DHX9: variants seen among roughly 807,000 people sequenced by gnomAD.
DHX9 encodes the protein ATP-dependent RNA helicase A.
Under a neutral mutation model 148.7 loss-of-function variants are expected in DHX9, and 27 were observed. The observed-to-expected ratio is 0.18, with a 90% CI of 0.13 to 0.25. The LOEUF is 0.25. DHX9 is among the 10% of genes least tolerant of loss of function. The pLI is 1.00. For synonymous variants in DHX9, 529 were observed against 516.6 expected, an observed-to-expected ratio of 1.02 and a Z score of -0.33; for missense variants, 796 against 1,559.6, an observed-to-expected ratio of 0.51 and a Z score of 8.25.
At chr1:182,850,631 G>A (rs1668125111) in intron 3 of DHX9, among the ~76,000 whole-genome samples, 1 of 151,746 alleles carries the variant, frequency 6.6e-6, no homozygotes, top group Non-Finnish European at 1.5e-5. Context: ...GGAACAGATT[G>A]TGAGAATAGA....
chr1:182,843,485 A>T (rs762791873), intron 3 of DHX9, 51 bp downstream of exon 3: 1 of 1,456,240 alleles, frequency 6.9e-7, no homozygotes, highest in Admixed American at 2.5e-5. Flanking sequence ...AGTTGTACAA[A>T]CTCAATATGC....
chr1:182,860,297 ATTAAAT>A, intron 12 of DHX9, 113 bp downstream of exon 12: 2 of 925,026 alleles, frequency 2.2e-6, no homozygotes, highest in Non-Finnish European at 3.1e-6. Context: ...TGCCCTTGAA[ATTAAAT>A]TTAAAAAAAG....
chr1:182,844,204 C>G (rs1011086825), intron 3 of DHX9, among the ~76,000 whole-genome samples: 2 of 152,138 alleles, frequency 1.3e-5, no homozygotes, highest in East Asian at 1.9e-4. Context: ...CACCCACTTC[C>G]GTCTTCCAAA....
chr1:182,851,946 G>T lies in DHX9; in HGVS notation c.253-287G>T, dbSNP rs561795222. Among the ~76,000 whole-genome samples, 8 of 152,316 alleles carry T rather than the reference G, an allele frequency of 5.3e-5. 1 individual carries two copies. In the East Asian group the frequency reaches 1.5e-3, roughly 29 times the overall value. The stretch of plus-strand genomic sequence containing the variant: ...ACTACTAAAAATGAGCCCCAGAGCA[G>T]TGTTACTCAAAATGTTACAGTTTGT... On this transcript the variant is annotated intron_variant, in intron 3 of 27. Transcript: ENST00000367549.
intron 15 of DHX9, among the ~76,000 whole-genome samples, chr1:182,872,861 G>A (rs1412054998): frequency 6.6e-6 from 1 of 152,218 alleles, no homozygotes; most frequent in Non-Finnish European, 1.5e-5. Context: ...ATCAAATTAA[G>A]AATCCTTTTT....
chr1:182,853,336 A>C lies in DHX9; in HGVS notation c.395A>C (p.Tyr132Ser), dbSNP rs776106860. The change falls in exon 5 of 28, where the codon TAT becomes TCT. Residue 132 changes from tyrosine (Y) to serine (S), a missense_variant. Tyr to Ser is a moderately radical substitution (Grantham distance 144). Around this residue, in one of 14 missense-constraint regions of DHX9, gnomAD observed 89 missense variants for 77.5 expected, o/e 1.15. Transcript: ENST00000367549. The part of the protein sequence containing the change: ...ENNSEVGASG[Y>S]GVPGPTWDRG... ...AATTCTGAGGTAGGGGCCTCTGGCTATGGTGTTCCTGGGCCCACCTGGGAC... is the reference window on the plus strand; with the variant it reads ...AATTCTGAGGTAGGGGCCTCTGGCTCTGGTGTTCCTGGGCCCACCTGGGAC... The C allele has an allele frequency of 6.2e-7, 1 of 1,613,858 alleles. No individual in the cohort carries two copies. The highest frequency in any genetic ancestry group is 1.1e-5 in the South Asian group (1 of 91,056).
At chr1:182,858,350 A>G in intron 8 of DHX9, 110 bp downstream of exon 8, 1 of 1,307,124 alleles carries the variant, frequency 7.7e-7, no homozygotes. Flanking sequence ...TCAGGAAATG[A>G]AAATGGCCCT....
chr1:182,879,475 A>G lies in DHX9; in HGVS notation c.2512+65A>G, dbSNP rs532424015. The G allele has an allele frequency of 2.3e-6, 3 of 1,330,222 alleles. No homozygotes were observed. The African/African-American group carries it at 4.4e-5, about 19-fold the overall frequency. The allele number at this position is 1,330,222 out of a possible 1,614,324, so 82.4% of individuals were successfully genotyped here. A position where few individuals can be genotyped will look rare whatever the true frequency, so the allele number is the denominator to read the frequency against. On this transcript the variant is annotated intron_variant, in intron 21 of 27. Coordinates refer to ENST00000367549, the MANE Select transcript of DHX9 (RefSeq NM_001357.5). ...CATACCATCTGTCTTGTTCTGGCAG[A>G]TAACACTTACAAATGAATCAAGATG...
chr1:182,842,053 A>T (rs1483297556), intron 1 of DHX9, among the ~76,000 whole-genome samples: 1 of 152,206 alleles, frequency 6.6e-6, no homozygotes, highest in African/African-American at 2.4e-5. Context: ...TAACTTTCTT[A>T]ATATATAGTA....
At chr1:182,882,132 G>A (rs1571322523) in intron 24 of DHX9, among the ~76,000 whole-genome samples, 1 of 152,248 alleles carries the variant, frequency 6.6e-6, no homozygotes, top group African/African-American at 2.4e-5. Flanking sequence ...GGCTGTAATT[G>A]GAATAACTAA....
At position 182,881,504 on chromosome 1, in the gene DHX9, T is replaced by C; in HGVS notation, c.2787-16T>C. 1.2e-6 allele frequency: 2 copies of C among 1,608,206 alleles called. No individual in the cohort carries two copies. Among genetic ancestry groups the C allele is most frequent in the Non-Finnish European group, 1.7e-6 (2 of 1,178,238 alleles). On this transcript the variant is annotated splice_polypyrimidine_tract_variant and intron_variant, in intron 23 of 27. Transcript: ENST00000367549. ...TCTGGTCTTAGAGAATGATTTCTCA[T>C]GCCAATTTATTTTAGAATGGGTGGA...
chr1:182,851,995 T>C (rs1329042792), intron 3 of DHX9, among the ~76,000 whole-genome samples: 2 of 152,062 alleles, frequency 1.3e-5, no homozygotes, highest in African/African-American at 4.8e-5. Context: ...CAGAAATGAG[T>C]AAACATTTAG....
intron 3 of DHX9, among the ~76,000 whole-genome samples, chr1:182,844,489 G>A (rs552834574): frequency 1.5e-4 from 23 of 152,292 alleles, no homozygotes; most frequent in African/African-American, 5.1e-4. Context: ...GACTGTGGGT[G>A]TGTGCCGCTA....
Position 182,872,470 on chromosome 1 carries a change from A to G in DHX9, c.1691A>G (p.Tyr564Cys). 6.2e-7 allele frequency: 1 copy of G among 1,613,996 alleles called. No homozygotes were observed. Among genetic ancestry groups the G allele is most frequent in the Non-Finnish European group, 8.5e-7 (1 of 1,179,958 alleles). The change falls in exon 15 of 28, where the codon TAT (tyrosine) becomes TGT (cysteine). Residue 564 changes from tyrosine to cysteine, a missense_variant. Tyr to Cys is a radical substitution (Grantham distance 194). This residue lies in a region of DHX9 where 133 missense variants were observed against 223.8 expected (regional missense o/e 0.59). Transcript: ENST00000367549. ...TTCAATTGCCCCATCATTGAAGTTT[A>G]TGGGAGGACTTACCCAGTTCAAGGT... ...YFFNCPIIEV[Y>C]GRTYPVQEYF...
chr1:182,855,701 G>T, intron 6 of DHX9: 2 of 985,374 alleles, frequency 2.0e-6, no homozygotes, highest in Non-Finnish European at 2.4e-6. Flanking sequence ...CCCTGAAGCC[G>T]CTGTGCCTGA....
At chr1:182,844,388 GT>G (rs1428187828) in intron 3 of DHX9, among the ~76,000 whole-genome samples, 1 of 152,126 alleles carries the variant, frequency 6.6e-6, no homozygotes, top group African/African-American at 2.4e-5. Context: ...GGGGATTTTT[GT>G]TTTGTTTTTC....
intron 1 of DHX9, among the ~76,000 whole-genome samples, chr1:182,841,962 A>T (rs1667940077): frequency 6.6e-6 from 1 of 152,244 alleles, no homozygotes; most frequent in Admixed American, 6.5e-5. Context: ...TATTATTAAT[A>T]CATGGCCTAC....
intron 19 of DHX9, 29 bp from the exon 20 acceptor site, chr1:182,877,992 C>T (rs1156846078): frequency 6.8e-6 from 11 of 1,613,056 alleles, no homozygotes; most frequent in African/African-American, 2.7e-5. Context: ...ACACATGAGT[C>T]TTAGAATTAA....
At chr1:182,842,331 A>G (rs1426225852) in intron 1 of DHX9, among the ~76,000 whole-genome samples, 3 of 152,204 alleles carry the variant, frequency 2.0e-5, no homozygotes, top group Non-Finnish European at 2.9e-5. Flanking sequence ...GATCATGTAT[A>G]TGTACTTTTC....
Sources: gnomAD v4.1 joint callset for allele counts (sites outside exome capture counted in the v4.1 genomes callset) on GRCh38, gnomAD v4.1.1 for gene constraint, gnomAD v4.1.1 regional missense constraint, MANE v1.5 for transcripts, NCBI Gene and HGNC (gene_info 2026-07-23, HGNC 2026-07-21) for gene names.